PLPP1: variants seen among roughly 807,000 people sequenced by gnomAD.
The protein encoded by PLPP1 is phospholipid phosphatase 1.
PLPP1 carries 24 observed loss-of-function variants against 31.2 expected under a neutral mutation model. The ratio of observed to expected loss-of-function variants is 0.77; its 90% CI spans 0.56 to 1.08. The LOEUF (loss-of-function observed/expected upper bound fraction) is 1.08, where lower values mean the gene tolerates loss of function less well. Ranked by LOEUF, PLPP1 falls within the 50% of genes least tolerant of loss-of-function variation. The pLI is 0.00. For synonymous variants in PLPP1, 146 were observed against 126.3 expected, an observed-to-expected ratio of 1.16 and a Z score of -1.05; for missense variants, 319 against 342.7, an observed-to-expected ratio of 0.93 and a Z score of 0.55.
chr5:55,468,483 G>T (rs1752352398), intron 2 of PLPP1, among the ~76,000 whole-genome samples: 1 of 151,898 alleles, frequency 6.6e-6, no homozygotes, highest in Non-Finnish European at 1.5e-5. Flanking sequence ...ATATCCTGGA[G>T]GACAAAAACT....
intron 2 of PLPP1, among the ~76,000 whole-genome samples, chr5:55,472,113 ACT>A (rs1752428103): frequency 1.3e-5 from 2 of 152,048 alleles, no homozygotes; most frequent in South Asian, 4.2e-4. Context: ...ACAGAGAAAG[ACT>A]CTGTCAATCA....
At chr5:55,502,303 A>G (rs1483698740) in intron 1 of PLPP1, among the ~76,000 whole-genome samples, 1 of 152,172 alleles carries the variant, frequency 6.6e-6, no homozygotes, top group Non-Finnish European at 1.5e-5. Context: ...CCTGGCCAAC[A>G]TGGTGAAACC....
At chr5:55,532,954 CAAAAA>C (rs61144694) in intron 1 of PLPP1, among the ~76,000 whole-genome samples, 4 of 121,400 alleles carry the variant, frequency 3.3e-5, no homozygotes, top group African/African-American at 3.1e-5. Context: ...AGACCGTCTC[CAAAAA>C]AAAAAAAAAA....
At chr5:55,523,283 A>G (rs897769440) in intron 1 of PLPP1, among the ~76,000 whole-genome samples, 1 of 152,152 alleles carries the variant, frequency 6.6e-6, no homozygotes, top group East Asian at 1.9e-4. Context: ...TTAAATTATT[A>G]TTGACTATAA....
chr5:55,456,196 G>A (rs1037903154), intron 3 of PLPP1, among the ~76,000 whole-genome samples: 2 of 152,026 alleles, frequency 1.3e-5, no homozygotes, highest in African/African-American at 2.4e-5. Flanking sequence ...GTCCACTTAT[G>A]CTCTTAGTTC....
intron 1 of PLPP1, among the ~76,000 whole-genome samples, chr5:55,506,849 A>G (rs1020371678): frequency 1.3e-5 from 2 of 152,236 alleles, no homozygotes; most frequent in African/African-American, 2.4e-5. Flanking sequence ...AGAAGTAAAT[A>G]AAATTTTTTT....
intron 3 of PLPP1, among the ~76,000 whole-genome samples, chr5:55,443,212 T>TATATATATATATATATATACACAC (rs1169152710): frequency 9.5e-6 from 1 of 105,004 alleles, no homozygotes; most frequent in Non-Finnish European, 1.8e-5. Context: ...TATATATATA[T>TATATATATATATATATATACACAC]ACACACACAC....
intron 2 of PLPP1, among the ~76,000 whole-genome samples, chr5:55,474,754 C>T (rs1752499456): frequency 1.3e-5 from 2 of 152,024 alleles, no homozygotes; most frequent in Non-Finnish European, 2.9e-5. Context: ...CATACAGATA[C>T]AATAAATTAT....
intron 2 of PLPP1, among the ~76,000 whole-genome samples, chr5:55,473,278 G>C (rs908349352): frequency 6.6e-6 from 1 of 152,162 alleles, no homozygotes; most frequent in Non-Finnish European, 1.5e-5. Flanking sequence ...CTTTGGGAGA[G>C]TCACCAACAT....
chr5:55,533,537 C>G (rs1427851815), intron 1 of PLPP1, among the ~76,000 whole-genome samples: 3 of 152,156 alleles, frequency 2.0e-5, no homozygotes, highest in Non-Finnish European at 4.4e-5. Context: ...TGGATTAAAA[C>G]CGAGGGAATC....
intron 1 of PLPP1, among the ~76,000 whole-genome samples, chr5:55,483,500 C>T (rs1322567255): frequency 6.6e-6 from 1 of 151,834 alleles, no homozygotes; most frequent in Non-Finnish European, 1.5e-5. Flanking sequence ...AGTGAAACTC[C>T]GTCTCTATTA....
At chr5:55,530,906 A>C (rs1373028378) in intron 1 of PLPP1, among the ~76,000 whole-genome samples, 5 of 152,188 alleles carry the variant, frequency 3.3e-5, no homozygotes, top group African/African-American at 1.2e-4. Flanking sequence ...CGATGGTGAC[A>C]GCGGCAGCGG....
intron 1 of PLPP1, among the ~76,000 whole-genome samples, chr5:55,532,528 T>C (rs1740707201): frequency 6.6e-6 from 1 of 152,192 alleles, no homozygotes; most frequent in Non-Finnish European, 1.5e-5. Flanking sequence ...TTAACAAAGT[T>C]CCAATGACAT....
intron 1 of PLPP1, among the ~76,000 whole-genome samples, chr5:55,481,001 A>G (rs1198451441): frequency 6.6e-6 from 1 of 152,222 alleles, no homozygotes; most frequent in African/African-American, 2.4e-5. Flanking sequence ...TCTATATTTT[A>G]CCAGTGAATA....
Position 55,487,886 on chromosome 5 carries a change from T to C in PLPP1, c.59-12436A>G, listed in dbSNP as rs576611312. On this transcript the variant is annotated intron_variant, in intron 1 of 5. Transcript: ENST00000307259. ...GCTCACGCCTGTAATCCCAGCACTT[T>C]GGGAGGCCGAGGCTGGTGGATCACC... Among the ~76,000 whole-genome samples, 59 of 152,244 alleles carry C rather than the reference T, an allele frequency of 3.9e-4. 1 individual carries two copies. Among genetic ancestry groups the C allele is most frequent in the Middle Eastern group, 3.4e-3 (1 of 292 alleles).
chr5:55,489,293 T>G (rs1372330992), intron 1 of PLPP1, among the ~76,000 whole-genome samples: 4 of 152,066 alleles, frequency 2.6e-5, no homozygotes, highest in African/African-American at 9.7e-5. Context: ...AAAAAGAAAC[T>G]TTATCTGGCA....
At chr5:55,435,911 G>A (rs1178814358) in intron 4 of PLPP1, among the ~76,000 whole-genome samples, 1 of 151,766 alleles carries the variant, frequency 6.6e-6, no homozygotes, top group African/African-American at 2.4e-5. Flanking sequence ...CTACTTGGGA[G>A]GCTGAGACAG....
intron 1 of PLPP1, among the ~76,000 whole-genome samples, chr5:55,532,752 T>C (rs982761723): frequency 1.1e-4 from 17 of 151,194 alleles, no homozygotes; most frequent in African/African-American, 3.9e-4. Context: ...AGGTCAAGAG[T>C]TCAAGGCCAG....
At position 55,425,303 on chromosome 5, in the gene PLPP1, C is replaced by T. The variant is rs1215255255; in HGVS notation, c.758G>A (p.Arg253Lys). The T allele has an allele frequency of 3.1e-6, 5 of 1,607,532 alleles. No individual in the cohort carries two copies. The African/African-American group carries it at 6.7e-5, about 22-fold the overall frequency. The change falls in exon 6 of 6, where the codon AGA becomes AAA. Residue 253 changes from arginine (R) to lysine (K), a missense_variant. Coordinates refer to ENST00000307259, the MANE Select transcript of PLPP1 (RefSeq NM_003711.4). ...AVYVSDFFKE[R>K]TSFKERKEED... ...CTCTTTTCTTTCTTTAAAAGAAGTT[C>T]TTTCTTTGAAGAAATCCGATACATA...
Sources: allele counts gnomAD v4.1 joint callset (sites outside exome capture counted in the v4.1 genomes callset), GRCh38; gene constraint gnomAD v4.1.1; transcripts MANE v1.5; gene names NCBI Gene and HGNC (gene_info 2026-07-23, HGNC 2026-07-21).